ADCY8: variants seen among roughly 807,000 people sequenced by gnomAD.
ADCY8 encodes the protein adenylate cyclase type 8.
ADCY8 carries 51 observed loss-of-function variants against 119.7 expected under a neutral mutation model. The ratio of observed to expected loss-of-function variants is 0.43; its 90% CI spans 0.34 to 0.54. The LOEUF is 0.54. Among genes scored for constraint, ADCY8 ranks in the 20% least tolerant of loss-of-function variants. The probability of loss-of-function intolerance (pLI) is 0.03; values close to 1 mark genes in which losing one functional copy is unlikely to be tolerated. For missense variants in ADCY8, 1,383 were observed against 1,598.8 expected (o/e 0.87, Z 2.30); for synonymous variants, 665 against 651.0 (o/e 1.02, Z -0.33).
chr8:130,797,734 T>G (rs1008820988), intron 15 of ADCY8, among the ~76,000 whole-genome samples: 1 of 152,144 alleles, frequency 6.6e-6, no homozygotes, highest in Non-Finnish European at 1.5e-5. Context: ...TGACTTCTTG[T>G]GTAAGGGCAA....
At chr8:130,862,362 C>A (rs1817962030) in intron 9 of ADCY8, among the ~76,000 whole-genome samples, 1 of 152,098 alleles carries the variant, frequency 6.6e-6, no homozygotes, top group Non-Finnish European at 1.5e-5. Context: ...GCTTTCATGG[C>A]ATCCCACAAA....
chr8:130,877,043 A>ATGGAG (rs1411257411), intron 8 of ADCY8, among the ~76,000 whole-genome samples: 2 of 152,210 alleles, frequency 1.3e-5, no homozygotes, highest in East Asian at 3.9e-4. Context: ...TAGTACAATT[A>ATGGAG]GTACCTCCAT....
At chr8:130,818,803 G>C (rs2130189006) in intron 13 of ADCY8, among the ~76,000 whole-genome samples, 1 of 152,320 alleles carries the variant, frequency 6.6e-6, no homozygotes, top group African/African-American at 2.4e-5. Flanking sequence ...CTATCACAGG[G>C]AGGCAGTGGC....
intron 13 of ADCY8, among the ~76,000 whole-genome samples, chr8:130,817,763 T>C (rs1313433668): frequency 6.6e-6 from 1 of 152,152 alleles, no homozygotes; most frequent in Non-Finnish European, 1.5e-5. Flanking sequence ...TAAACAAACT[T>C]ATAGGGAAAA....
chr8:130,816,427 C>CTTTT lies in ADCY8; in HGVS notation c.2755-2204_2755-2201dup, dbSNP rs59803292. Among the ~76,000 whole-genome samples the CTTTT allele has an allele frequency of 6.5e-3, 787 of 121,148 alleles. 20 individuals carry two copies. Among genetic ancestry groups the CTTTT allele is most frequent in the South Asian group, 0.013 (51 of 3,842 alleles). The allele number at this position is 121,148 out of a possible 152,430, so 79.5% of individuals were successfully genotyped here. On this transcript the variant is annotated intron_variant, in intron 13 of 17. Coordinates refer to ENST00000286355, the MANE Select transcript of ADCY8 (RefSeq NM_001115.3). Reference sequence around the variant, plus strand: ...CATATTTCTTAATTAATTTTTTTTTCTTTTTTTTTTTTTTTTGAGACAGAG... The same window carrying CTTTT: ...CATATTTCTTAATTAATTTTTTTTTCTTTTTTTTTTTTTTTTTTTTGAGACAGAG...
At chr8:130,884,543 G>A (rs753936482) in intron 8 of ADCY8, 21 bp downstream of exon 8, 338 of 1,612,010 alleles carry the variant, frequency 2.1e-4, no homozygotes, top group Non-Finnish European at 2.6e-4. Context: ...AAAAAGAGCC[G>A]CTGTGGAGAC....
intron 7 of ADCY8, among the ~76,000 whole-genome samples, chr8:130,902,591 C>CA (rs1819638601): frequency 6.6e-6 from 1 of 152,186 alleles, no homozygotes; most frequent in Non-Finnish European, 1.5e-5. Context: ...AGCCTAGTCT[C>CA]AGAGTGCCCC....
At chr8:130,864,819 T>A (rs796995202) in intron 9 of ADCY8, among the ~76,000 whole-genome samples, 8 of 152,198 alleles carry the variant, frequency 5.3e-5, no homozygotes, top group East Asian at 1.9e-4. Flanking sequence ...TATTAAAAAT[T>A]CCCTGTATGA....
At chr8:130,817,786 A>T (rs916601738) in intron 13 of ADCY8, among the ~76,000 whole-genome samples, 6 of 152,214 alleles carry the variant, frequency 3.9e-5, no homozygotes, top group African/African-American at 1.4e-4. Context: ...TTCAGCATTT[A>T]TCTTTGCTTT....
chr8:130,791,732 C>G (rs141230737), intron 15 of ADCY8, among the ~76,000 whole-genome samples: 81 of 152,312 alleles, frequency 5.3e-4, no homozygotes, highest in African/African-American at 1.9e-3. Context: ...ATGTGCCTCT[C>G]TCCAGGTGTG....
intron 7 of ADCY8, among the ~76,000 whole-genome samples, chr8:130,899,643 G>A (rs920731712): frequency 1.3e-5 from 2 of 151,658 alleles, no homozygotes; most frequent in African/African-American, 2.4e-5. Flanking sequence ...AGAAACATAA[G>A]CTCCTGGAGG....
At chr8:131,007,001 G>A (rs1192499320) in intron 1 of ADCY8, among the ~76,000 whole-genome samples, 1 of 152,144 alleles carries the variant, frequency 6.6e-6, no homozygotes, top group African/African-American at 2.4e-5. Context: ...AAGATATCAT[G>A]TCCAAAGGAG....
chr8:130,816,533 C>CTCCT (rs1816351957), intron 13 of ADCY8, among the ~76,000 whole-genome samples: 1 of 149,166 alleles, frequency 6.7e-6, no homozygotes. Context: ...TCACCCCATT[C>CTCCT]TCCTGCCTCA....
At chr8:130,867,794 G>T in intron 9 of ADCY8, 52 bp downstream of exon 9, 1 of 1,340,640 alleles carries the variant, frequency 7.5e-7, no homozygotes, top group South Asian at 1.3e-5. Context: ...GACTCCACAT[G>T]AGGAATCTCA....
rs556901372 is a variant in ADCY8, at chr8:130,938,073, C to G, written c.1354-873G>C. Reference sequence around the variant, plus strand: ...GTTATAGGTTCTAGTAGAAAGAGAACTTAAGGTAGTATAGCATGGGGAGCC... The same window carrying G: ...GTTATAGGTTCTAGTAGAAAGAGAAGTTAAGGTAGTATAGCATGGGGAGCC... On this transcript the variant is annotated intron_variant, in intron 4 of 17. Transcript: ENST00000286355. Among the ~76,000 whole-genome samples the G allele has an allele frequency of 5.3e-4, 80 of 152,246 alleles. 1 individual carries two copies. Among genetic ancestry groups the G allele is most frequent in the Admixed American group, 1.5e-3 (23 of 15,294 alleles).
At chr8:130,911,473 A>G (rs1819977265) in intron 5 of ADCY8, among the ~76,000 whole-genome samples, 1 of 151,914 alleles carries the variant, frequency 6.6e-6, no homozygotes, top group South Asian at 2.1e-4. Context: ...ATTGAACTTA[A>G]AACCTGACCT....
At chr8:130,888,220 A>AT (rs1819061394) in intron 7 of ADCY8, among the ~76,000 whole-genome samples, 2 of 151,284 alleles carry the variant, frequency 1.3e-5, no homozygotes, top group Non-Finnish European at 2.9e-5. Flanking sequence ...TATATATATA[A>AT]TAGAATACAT....
intron 7 of ADCY8, among the ~76,000 whole-genome samples, chr8:130,897,947 C>T (rs926000973): frequency 6.6e-6 from 1 of 150,940 alleles, no homozygotes; most frequent in African/African-American, 2.4e-5. Context: ...ATACACATAA[C>T]ACACACCACA....
intron 2 of ADCY8, among the ~76,000 whole-genome samples, chr8:130,952,748 C>T (rs1206956333): frequency 6.6e-6 from 1 of 152,056 alleles, no homozygotes; most frequent in African/African-American, 2.4e-5. Context: ...GGGGGAAGCT[C>T]CTGGAGTGTC....
Sources: allele counts gnomAD v4.1 joint callset (sites outside exome capture counted in the v4.1 genomes callset), GRCh38; gene constraint gnomAD v4.1.1; transcripts MANE v1.5; gene names NCBI Gene and HGNC (gene_info 2026-07-23, HGNC 2026-07-21).